The following DENND1B variants were observed in gnomAD, a reference collection of about 807,000 sequenced individuals.
The protein encoded by DENND1B is DENN domain containing 1B.
Under a neutral mutation model 90.1 loss-of-function variants are expected in DENND1B, and 59 were observed. The ratio of observed to expected loss-of-function variants is 0.65; its 90% CI spans 0.53 to 0.81. The LOEUF is 0.81. DENND1B is among the 40% of genes least tolerant of loss of function. The pLI, the probability that DENND1B is intolerant of heterozygous loss-of-function variation, is 0.00. For synonymous variants in DENND1B, 337 were observed against 324.6 expected, an observed-to-expected ratio of 1.04 and a Z score of -0.41; for missense variants, 862 against 912.6, an observed-to-expected ratio of 0.94 and a Z score of 0.71.
chr1:197,535,128 C>G (rs1336530159), intron 20 of DENND1B, among the ~76,000 whole-genome samples: 3 of 152,166 alleles, frequency 2.0e-5, no homozygotes, highest in Admixed American at 6.5e-5. Flanking sequence ...CCACCTGTAG[C>G]CTTTTTTGCT....
intron 2 of DENND1B, among the ~76,000 whole-genome samples, chr1:197,761,195 A>C (rs977533340): frequency 2.0e-5 from 3 of 152,186 alleles, no homozygotes; most frequent in African/African-American, 7.2e-5. Context: ...AATTTTAAAG[A>C]CATTATTTTC....
chr1:197,676,446 G>A (rs961307301), intron 3 of DENND1B, among the ~76,000 whole-genome samples: 3 of 151,600 alleles, frequency 2.0e-5, no homozygotes, highest in Non-Finnish European at 4.4e-5. Flanking sequence ...ACACACACAC[G>A]CACACACGAA....
chr1:197,728,153 C>A (rs1228079769), intron 2 of DENND1B, among the ~76,000 whole-genome samples: 2 of 152,012 alleles, frequency 1.3e-5, no homozygotes, highest in South Asian at 2.1e-4. Context: ...AAAAAGTGAC[C>A]CTTCACCCCA....
At chr1:197,764,521 T>C (rs1309896661) in intron 2 of DENND1B, among the ~76,000 whole-genome samples, 2 of 152,152 alleles carry the variant, frequency 1.3e-5, no homozygotes, top group Non-Finnish European at 2.9e-5. Flanking sequence ...TGACTAAATA[T>C]ACTTATACAC....
chr1:197,761,030 C>T (rs897666587), intron 2 of DENND1B, among the ~76,000 whole-genome samples: 1 of 152,158 alleles, frequency 6.6e-6, no homozygotes, highest in African/African-American at 2.4e-5. Context: ...AACCTGTACA[C>T]AGTGAAAGAA....
At chr1:197,665,543 G>C (rs1238755068) in intron 5 of DENND1B, among the ~76,000 whole-genome samples, 1 of 152,078 alleles carries the variant, frequency 6.6e-6, no homozygotes, top group Admixed American at 6.6e-5. Context: ...AGTATCATTA[G>C]TATCAACATC....
chr1:197,586,034 G>C (rs1674663945), intron 14 of DENND1B, among the ~76,000 whole-genome samples: 1 of 152,164 alleles, frequency 6.6e-6, no homozygotes. Context: ...CTGATATGCA[G>C]TGATGTTTTT....
Position 197,658,383 on chromosome 1 carries a change from A to AT in DENND1B, c.297-15dup. The AT allele has an allele frequency of 6.5e-7, 1 of 1,531,272 alleles. No homozygotes were observed. 94.9% of individuals were successfully genotyped at this position (1,531,272 alleles called of 1,614,324 possible). A position where few individuals can be genotyped will look rare whatever the true frequency, so the allele number is the denominator to read the frequency against. On this transcript the variant is annotated splice_polypyrimidine_tract_variant and intron_variant, in intron 5 of 22. Transcript: ENST00000620048. Reference sequence around the variant, plus strand: ...CAGGGAAGGTAACTGTAAAATAATTATTTTAAAATGTATATACATAAAATT... The same window carrying AT: ...CAGGGAAGGTAACTGTAAAATAATTATTTTTAAAATGTATATACATAAAATT...
At chr1:197,728,574 G>T (rs763216854) in intron 2 of DENND1B, among the ~76,000 whole-genome samples, 6 of 152,042 alleles carry the variant, frequency 3.9e-5, no homozygotes, top group African/African-American at 1.2e-4. Flanking sequence ...CATCCTCTAC[G>T]TCTAATCAGC....
intron 3 of DENND1B, among the ~76,000 whole-genome samples, chr1:197,679,824 T>A (rs1256634956): frequency 6.7e-6 from 1 of 149,968 alleles, no homozygotes; most frequent in African/African-American, 2.4e-5. Flanking sequence ...TTTTTTTTTT[T>A]TTTTCAAAAA....
chr1:197,547,306 C>A lies in DENND1B; in HGVS notation c.1241-533G>T, dbSNP rs569199193. Among the ~76,000 whole-genome samples, 58 of 151,734 alleles carry A rather than the reference C, an allele frequency of 3.8e-4. 1 individual carries two copies. Among genetic ancestry groups the A allele is most frequent in the African/African-American group, 1.4e-3 (57 of 41,364 alleles). ...TAAAGTCCCAGTGGCTACTCAGACACTATCCAATACAAAGAACCCCTAAAA... is the reference window on the plus strand; with the variant it reads ...TAAAGTCCCAGTGGCTACTCAGACAATATCCAATACAAAGAACCCCTAAAA... On this transcript the variant is annotated intron_variant, in intron 16 of 22. Coordinates refer to ENST00000620048, the MANE Select transcript of DENND1B (RefSeq NM_001195215.2).
chr1:197,566,322 C>A (rs4379704), intron 15 of DENND1B, among the ~76,000 whole-genome samples: 23,812 of 151,928 alleles, frequency 0.16, 2,142 homozygotes, highest in Non-Finnish European at 0.2. Context: ...CCTTTGCCCA[C>A]TTTTTGATGG....
chr1:197,625,227 T>A lies in DENND1B; in HGVS notation c.673-7468A>T, dbSNP rs549895629. On this transcript the variant is annotated intron_variant, in intron 10 of 22. Coordinates refer to ENST00000620048, the MANE Select transcript of DENND1B (RefSeq NM_001195215.2). ...CACATAATTGTCAGATTCACCAAAG[T>A]TGAAATGAAGGAAAAAATGTTAAGG... 2.2e-4 allele frequency among the ~76,000 whole-genome samples: 34 copies of A among 151,896 alleles called. No individual in the cohort carries two copies. In the South Asian group the frequency reaches 6.7e-3, roughly 30 times the overall value.
At chr1:197,697,419 C>T (rs192776871) in intron 3 of DENND1B, among the ~76,000 whole-genome samples, 1 of 151,756 alleles carries the variant, frequency 6.6e-6, no homozygotes. Context: ...ATCATTCTGT[C>T]TTTCTGCTAC....
intron 20 of DENND1B, 85 bp from the exon 21 acceptor site, chr1:197,513,038 A>G: frequency 9.4e-7 from 1 of 1,066,504 alleles, no homozygotes; most frequent in Non-Finnish European, 1.3e-6. Flanking sequence ...ATGTGATTTC[A>G]TAAGAAACAC....
chr1:197,732,387 C>T (rs989717809), intron 2 of DENND1B, among the ~76,000 whole-genome samples: 72 of 152,254 alleles, frequency 4.7e-4, no homozygotes, highest in African/African-American at 1.5e-3. Flanking sequence ...ACCTCATTAT[C>T]ACTCAATGGC....
At position 197,506,636 on chromosome 1, in the gene DENND1B, A is replaced by G. The variant is rs1188715035; in HGVS notation, c.*3824T>C. The stretch of plus-strand genomic sequence containing the variant: ...GTGTTCTCCTCTTGATCAGGAGTCT[A>G]CTTGTTCACCTTAATTAAGAAACAA... On this transcript the variant is annotated 3_prime_UTR_variant, in exon 23 of 23. Coordinates refer to ENST00000620048, the MANE Select transcript of DENND1B (RefSeq NM_001195215.2). The G allele has an allele frequency of 1.3e-5, 2 of 151,568 alleles. No homozygotes were observed. The highest frequency in any genetic ancestry group is 3.0e-5 in the Non-Finnish European group (2 of 67,634). 9.4% of individuals were successfully genotyped at this position (151,568 alleles called of 1,614,324 possible).
At chr1:197,545,690 G>A (rs761679278) in intron 18 of DENND1B, 5 of 399,062 alleles carry the variant, frequency 1.3e-5, no homozygotes, top group Non-Finnish European at 2.2e-5. Flanking sequence ...CAACTTTGCC[G>A]ATAGCTTTGG....
chr1:197,634,471 T>C (rs1430010353), intron 10 of DENND1B, among the ~76,000 whole-genome samples: 1 of 152,200 alleles, frequency 6.6e-6, no homozygotes, highest in African/African-American at 2.4e-5. Flanking sequence ...ATGAACTTTC[T>C]ATTTAGGACT....
Sources: gnomAD v4.1 joint callset for allele counts (sites outside exome capture counted in the v4.1 genomes callset) on GRCh38, gnomAD v4.1.1 for gene constraint, MANE v1.5 for transcripts, NCBI Gene and HGNC (gene_info 2026-07-23, HGNC 2026-07-21) for gene names.